The following EDIL3 variants were observed in gnomAD, a reference collection of about 807,000 sequenced individuals.
EDIL3 encodes EGF-like repeat and discoidin I-like domain-containing protein 3.
In EDIL3, 37 loss-of-function variants were observed where a neutral mutation model predicts 67.4. That is an observed-to-expected ratio of 0.55 (90% CI 0.42 to 0.72). EDIL3 has a LOEUF of 0.72. Ranked by LOEUF, EDIL3 falls within the 30% of genes least tolerant of loss-of-function variation. The probability of loss-of-function intolerance (pLI) is 0.00; values close to 1 mark genes in which losing one functional copy is unlikely to be tolerated. For missense variants in EDIL3, 527 were observed against 586.3 expected (o/e 0.90, Z 1.04); for synonymous variants, 195 against 196.3 (o/e 0.99, Z 0.05).
chr5:84,263,211 A>G (rs1214774645), intron 1 of EDIL3, among the ~76,000 whole-genome samples: 2 of 152,170 alleles, frequency 1.3e-5, no homozygotes, highest in Admixed American at 6.5e-5. Flanking sequence ...CCAAACCCAG[A>G]ACTGTGAGTC....
At chr5:84,139,479 C>A (rs866500823) in intron 4 of EDIL3, among the ~76,000 whole-genome samples, 2 of 152,156 alleles carry the variant, frequency 1.3e-5, no homozygotes, top group Admixed American at 1.3e-4. Context: ...GACTAACACA[C>A]AAACCATTTT....
At position 84,132,238 on chromosome 5, in the gene EDIL3, T is replaced by TA. The variant is rs1452075510; in HGVS notation, c.469+5002dup. ...GGGAGACGGAGAGAGACTCCGTCTT[T>TA]AAAAAAAAAGAAAAAATATATATAT... is the stretch of plus-strand genomic sequence containing the variant. On this transcript the variant is annotated intron_variant, in intron 5 of 10. Coordinates refer to ENST00000296591, the MANE Select transcript of EDIL3 (RefSeq NM_005711.5). Among the ~76,000 whole-genome samples, 365 of 128,836 alleles carry TA rather than the reference T, an allele frequency of 2.8e-3. 7 individuals are homozygous for TA. In the Middle Eastern group the frequency reaches 0.03, roughly 10 times the overall value. 84.5% of individuals were successfully genotyped at this position (128,836 alleles called of 152,430 possible).
intron 3 of EDIL3, among the ~76,000 whole-genome samples, chr5:84,222,178 G>A (rs1744355858): frequency 1.3e-5 from 2 of 151,864 alleles, no homozygotes; most frequent in East Asian, 1.9e-4. Context: ...AAAAGCTAGA[G>A]AAAATATCTA....
chr5:84,236,774 CT>C (rs1744691018), intron 2 of EDIL3, among the ~76,000 whole-genome samples: 1 of 150,758 alleles, frequency 6.6e-6, no homozygotes, highest in African/African-American at 2.4e-5. Flanking sequence ...AATTTAATGA[CT>C]GTTTTTACCC....
chr5:84,299,109 T>C (rs1170217472), intron 1 of EDIL3, among the ~76,000 whole-genome samples: 2 of 152,290 alleles, frequency 1.3e-5, no homozygotes, highest in African/African-American at 4.8e-5. Flanking sequence ...TGTAAGTAGG[T>C]TGCAGTGTAG....
intron 2 of EDIL3, among the ~76,000 whole-genome samples, chr5:84,241,444 A>C (rs1389558727): frequency 1.3e-5 from 2 of 152,190 alleles, no homozygotes; most frequent in Non-Finnish European, 2.9e-5. Flanking sequence ...TAAATAAAAA[A>C]ATCAATTCAT....
At chr5:84,153,180 T>C (rs1231758820) in intron 4 of EDIL3, among the ~76,000 whole-genome samples, 1 of 152,194 alleles carries the variant, frequency 6.6e-6, no homozygotes, top group Non-Finnish European at 1.5e-5. Context: ...CCCTATAGAA[T>C]TTTGTTAAAT....
Position 84,028,534 on chromosome 5 carries a change from A to G in EDIL3, c.1137+31766T>C, listed in dbSNP as rs529438659. Among the ~76,000 whole-genome samples, 3 of 152,236 alleles carry G rather than the reference A, an allele frequency of 2.0e-5. No individual in the cohort carries two copies. In the South Asian group the frequency reaches 6.2e-4, roughly 32 times the overall value. On this transcript the variant is annotated intron_variant, in intron 9 of 10. Transcript: ENST00000296591. ...AGTTTCAAAAAATTTACTTTATCTA[A>G]GACTATTCTGAAAATTAAGTGAAAT...
chr5:84,107,117 C>A (rs751249664), intron 5 of EDIL3, among the ~76,000 whole-genome samples: 86 of 152,128 alleles, frequency 5.7e-4, no homozygotes, highest in Non-Finnish European at 1.0e-3. Context: ...TTGTTGATCA[C>A]GTCAACAAAA....
chr5:84,286,555 G>C (rs964192384), intron 1 of EDIL3, among the ~76,000 whole-genome samples: 7 of 152,048 alleles, frequency 4.6e-5, no homozygotes, highest in African/African-American at 1.7e-4. Flanking sequence ...GCGTTTGCTT[G>C]CTTTTTTATT....
At chr5:84,067,251 T>A (rs1158359180) in intron 6 of EDIL3, among the ~76,000 whole-genome samples, 1 of 152,136 alleles carries the variant, frequency 6.6e-6, no homozygotes, top group Non-Finnish European at 1.5e-5. Context: ...TCTCCATATT[T>A]TCTCCCCATT....
intron 9 of EDIL3, among the ~76,000 whole-genome samples, chr5:84,026,625 T>A (rs754176729): frequency 5.3e-5 from 8 of 152,208 alleles, no homozygotes; most frequent in Non-Finnish European, 1.0e-4. Context: ...CAGTACAAAA[T>A]TTTGCTATCT....
At chr5:84,136,042 C>T (rs1279025566) in intron 5 of EDIL3, among the ~76,000 whole-genome samples, 7 of 151,992 alleles carry the variant, frequency 4.6e-5, no homozygotes, top group African/African-American at 7.2e-5. Flanking sequence ...CTTACTATGG[C>T]TGAAGAGAAA....
intron 4 of EDIL3, among the ~76,000 whole-genome samples, chr5:84,154,496 C>T (rs566783410): frequency 1.3e-5 from 2 of 152,096 alleles, no homozygotes; most frequent in South Asian, 4.1e-4. Flanking sequence ...AATGGACTTC[C>T]TTCTGATGCA....
At chr5:84,059,394 C>G (rs1477965943) in intron 9 of EDIL3, among the ~76,000 whole-genome samples, 1 of 151,900 alleles carries the variant, frequency 6.6e-6, no homozygotes, top group Non-Finnish European at 1.5e-5. Context: ...CAGAGTGAGC[C>G]CTGTCTCAAA....
In EDIL3 at chr5:84,141,952, G is replaced by GATCGATCTATCTATCTATCTATCT. The variant is rs71605902; in HGVS notation, c.356-4599_356-4598insAGATAGATAGATAGATAGATCGAT. On this transcript the variant is annotated intron_variant, in intron 4 of 10. Coordinates refer to ENST00000296591, the MANE Select transcript of EDIL3 (RefSeq NM_005711.5). ...ATATATATATATATATATATACATA[G>GATCGATCTATCTATCTATCTATCT]ATCTATCTATCTATCTATCTATCTA... Among the ~76,000 whole-genome samples the GATCGATCTATCTATCTATCTATCT allele has an allele frequency of 7.7e-3, 835 of 108,334 alleles. 7 individuals are homozygous for GATCGATCTATCTATCTATCTATCT. Among genetic ancestry groups the GATCGATCTATCTATCTATCTATCT allele is most frequent in the East Asian group, 0.013 (47 of 3,502 alleles). 71.1% of individuals were successfully genotyped at this position (108,334 alleles called of 152,430 possible). A position where few individuals can be genotyped will look rare whatever the true frequency, so the allele number is the denominator to read the frequency against.
intron 10 of EDIL3, among the ~76,000 whole-genome samples, chr5:83,955,240 A>T (rs1744494196): frequency 6.6e-6 from 1 of 151,766 alleles, no homozygotes; most frequent in Admixed American, 6.6e-5. Flanking sequence ...TGGAAGATTG[A>T]GAAGATAAAA....
At chr5:84,276,730 G>C (rs182050023) in intron 1 of EDIL3, among the ~76,000 whole-genome samples, 2 of 151,712 alleles carry the variant, frequency 1.3e-5, no homozygotes, top group African/African-American at 4.8e-5. Flanking sequence ...CACCACGCTC[G>C]GCTAAATTTT....
rs190190938 is a variant in EDIL3 at position 84,004,684 on chromosome 5, G to A, written c.1138-41324C>T. Among the ~76,000 whole-genome samples the A allele has an allele frequency of 6.6e-5, 10 of 152,090 alleles. No homozygotes were observed. The East Asian group carries it at 1.9e-3, about 29-fold the overall frequency. ...ACCAGAATCTCTGGGACACAGCTAAGGTAGTGTTAAGATGAAAGTTTAGAG... is the reference window on the plus strand; with the variant it reads ...ACCAGAATCTCTGGGACACAGCTAAAGTAGTGTTAAGATGAAAGTTTAGAG... On this transcript the variant is annotated intron_variant, in intron 9 of 10. Coordinates refer to ENST00000296591, the MANE Select transcript of EDIL3 (RefSeq NM_005711.5).
Sources: gnomAD v4.1 joint callset for allele counts (sites outside exome capture counted in the v4.1 genomes callset) on GRCh38, gnomAD v4.1.1 for gene constraint, MANE v1.5 for transcripts, NCBI Gene and HGNC (gene_info 2026-07-23, HGNC 2026-07-21) for gene names.